The following PTPRN2 variants were observed in gnomAD, a reference collection of about 807,000 sequenced individuals.
PTPRN2 encodes receptor-type tyrosine-protein phosphatase N2.
PTPRN2 carries 74 observed loss-of-function variants against 118.8 expected under a neutral mutation model. The observed-to-expected ratio is 0.62, with a 90% CI of 0.52 to 0.76. The LOEUF (loss-of-function observed/expected upper bound fraction) is 0.76, where lower values mean the gene tolerates loss of function less well. PTPRN2 is among the 30% of genes least tolerant of loss of function. PTPRN2 has a pLI of 0.00. For synonymous variants in PTPRN2, 641 were observed against 608.0 expected (o/e 1.05, Z -0.80); for missense variants, 1,481 against 1,394.4 (o/e 1.06, Z -0.99).
intron 3 of PTPRN2, among the ~76,000 whole-genome samples, chr7:158,218,285 T>A (rs1269185872): frequency 7.2e-5 from 11 of 151,778 alleles, no homozygotes; most frequent in African/African-American, 2.2e-4. Context: ...GGGGCCCTAT[T>A]TTCAGCATCC....
At chr7:158,090,475 T>C (rs1814027399) in intron 10 of PTPRN2, among the ~76,000 whole-genome samples, 1 of 152,256 alleles carries the variant, frequency 6.6e-6, no homozygotes, top group Admixed American at 6.5e-5. Flanking sequence ...ATTTTAGCTA[T>C]AGTTACCTCT....
chr7:158,083,008 C>G (rs750583463), intron 10 of PTPRN2, among the ~76,000 whole-genome samples: 2 of 152,170 alleles, frequency 1.3e-5, no homozygotes, highest in Non-Finnish European at 2.9e-5. Flanking sequence ...CTCCTGCCAA[C>G]GATGTTCCAC....
At position 158,071,409 on chromosome 7, in the gene PTPRN2, TTGCTCCTGGTGGTG is replaced by T. The variant is rs1563391137; in HGVS notation, c.1723+9875_1723+9888del. Among the ~76,000 whole-genome samples, 48 of 11,116 alleles carry T rather than the reference TTGCTCCTGGTGGTG, an allele frequency of 4.3e-3. 1 individual carries two copies. Among genetic ancestry groups the T allele is most frequent in the African/African-American group, 0.015 (42 of 2,890 alleles). The allele number at this position is 11,116 out of a possible 152,430, so 7.3% of individuals were successfully genotyped here. On this transcript the variant is annotated intron_variant, in intron 11 of 22. Coordinates refer to ENST00000389418, the MANE Select transcript of PTPRN2 (RefSeq NM_002847.5). ...CGTGGTGGAGGTGCTCGTGGTGGAG[TTGCTCCTGGTGGTG>T]GAGGTGCTCGTGGTGGTGGAGGTGC...
intron 1 of PTPRN2, among the ~76,000 whole-genome samples, chr7:158,560,482 G>A (rs56161896): frequency 0.016 from 2,403 of 152,394 alleles, 76 homozygotes; most frequent in African/African-American, 0.055. Flanking sequence ...ACTGCTAGGT[G>A]AAAGTGGAAC....
At chr7:158,479,209 A>T (rs1820482627) in intron 2 of PTPRN2, among the ~76,000 whole-genome samples, 1 of 151,928 alleles carries the variant, frequency 6.6e-6, no homozygotes, top group South Asian at 2.1e-4. Flanking sequence ...AATGGGGCTC[A>T]TGTTACTCAA....
chr7:158,421,635 G>C (rs1815264476), intron 2 of PTPRN2, among the ~76,000 whole-genome samples: 1 of 152,126 alleles, frequency 6.6e-6, no homozygotes. Context: ...TCAAAAACAT[G>C]TTTGATTTGA....
intron 6 of PTPRN2, among the ~76,000 whole-genome samples, chr7:158,154,101 G>A (rs1489460872): frequency 1.3e-5 from 2 of 152,226 alleles, no homozygotes; most frequent in Non-Finnish European, 2.9e-5. Context: ...TCTTGTGCCA[G>A]TGCAGGTGGG....
chr7:158,442,201 G>T (rs1352650680), intron 2 of PTPRN2, among the ~76,000 whole-genome samples: 1 of 151,924 alleles, frequency 6.6e-6, no homozygotes. Flanking sequence ...TAATGGTCAT[G>T]GCAGTGGTGA....
chr7:158,340,451 C>T (rs187398211), intron 2 of PTPRN2, among the ~76,000 whole-genome samples: 37 of 82,428 alleles, frequency 4.5e-4, no homozygotes, highest in East Asian at 8.9e-4. Flanking sequence ...AGCTGACACC[C>T]GCAGACGTCA....
At chr7:158,444,588 C>T (rs1222961495) in intron 2 of PTPRN2, among the ~76,000 whole-genome samples, 3 of 152,218 alleles carry the variant, frequency 2.0e-5, no homozygotes, top group Admixed American at 6.5e-5. Flanking sequence ...CACCAAGACC[C>T]CCCTAGACCC....
chr7:158,248,694 G>A (rs989198694), intron 3 of PTPRN2, among the ~76,000 whole-genome samples: 9 of 136,414 alleles, frequency 6.6e-5, no homozygotes, highest in Non-Finnish European at 1.1e-4. Context: ...CACCACACAC[G>A]TGCACACACG....
chr7:158,379,002 C>A (rs781709368), intron 2 of PTPRN2, among the ~76,000 whole-genome samples: 27 of 152,190 alleles, frequency 1.8e-4, no homozygotes, highest in Non-Finnish European at 3.8e-4. Flanking sequence ...GCACTCCTGT[C>A]TCTCAGAGCT....
At chr7:158,276,441 A>G (rs1298180688) in intron 3 of PTPRN2, among the ~76,000 whole-genome samples, 15 of 71,936 alleles carry the variant, frequency 2.1e-4, no homozygotes, top group African/African-American at 8.6e-4. Flanking sequence ...CAGCACCCCC[A>G]CACCCCGGCC....
At chr7:158,169,412 TTGTGAG>T (rs1291077738) in intron 5 of PTPRN2, among the ~76,000 whole-genome samples, 1 of 105,482 alleles carries the variant, frequency 9.5e-6, no homozygotes, top group Non-Finnish European at 1.9e-5. Flanking sequence ...CTGGCTGCTT[TTGTGAG>T]TGTGTGTGTG....
chr7:157,981,453 T>C (rs1438391469), intron 11 of PTPRN2, among the ~76,000 whole-genome samples: 1 of 152,104 alleles, frequency 6.6e-6, no homozygotes, highest in African/African-American at 2.4e-5. Flanking sequence ...CCAATCAATA[T>C]ATTCAACACA....
At chr7:158,277,401 G>A (rs28455990) in intron 3 of PTPRN2, among the ~76,000 whole-genome samples, 1,895 of 152,328 alleles carry the variant, frequency 0.012, 42 homozygotes, top group African/African-American at 0.043. Context: ...GGAGGAGGCC[G>A]GGCCCAGGCC....
intron 13 of PTPRN2, among the ~76,000 whole-genome samples, chr7:157,680,802 A>G (rs1563338063): frequency 6.6e-6 from 1 of 152,272 alleles, no homozygotes; most frequent in African/African-American, 2.4e-5. Flanking sequence ...TTTAAAGAAA[A>G]AAAGTTTTTT....
chr7:157,672,491 A>C lies in PTPRN2; in HGVS notation c.2001+10234T>G, dbSNP rs1054351390. Among the ~76,000 whole-genome samples the C allele has an allele frequency of 2.0e-5, 3 of 152,174 alleles. No homozygotes were observed. In the East Asian group the frequency reaches 5.8e-4, roughly 29 times the overall value. The stretch of plus-strand genomic sequence containing the variant: ...GCATTGTATTTCCTCCCACTCAGGA[A>C]CATCCGATCTCTGGTTTCAGGGTGC... On this transcript the variant is annotated intron_variant, in intron 13 of 22. Coordinates refer to ENST00000389418, the MANE Select transcript of PTPRN2 (RefSeq NM_002847.5).
At chr7:158,471,632 G>C (rs756133684) in intron 2 of PTPRN2, among the ~76,000 whole-genome samples, 2 of 152,040 alleles carry the variant, frequency 1.3e-5, no homozygotes, top group Non-Finnish European at 2.9e-5. Flanking sequence ...AAGTTGTGGC[G>C]AGCTGAGATT....
Sources: gnomAD v4.1 joint callset for allele counts (sites outside exome capture counted in the v4.1 genomes callset) on GRCh38, gnomAD v4.1.1 for gene constraint, MANE v1.5 for transcripts, NCBI Gene and HGNC (gene_info 2026-07-23, HGNC 2026-07-21) for gene names.